Variants in PLCE1 observed in about 807,000 individuals in gnomAD.
PLCE1 encodes phospholipase C epsilon 1.
A neutral mutation model predicts 242.8 loss-of-function variants in PLCE1; 119 were observed. The observed-to-expected ratio is 0.49, with a 90% CI of 0.42 to 0.57. The LOEUF is 0.57. PLCE1 is among the 20% of genes least tolerant of loss of function. PLCE1 has a pLI of 0.00. For synonymous variants in PLCE1, 945 were observed against 1,017.4 expected, an observed-to-expected ratio of 0.93 and a Z score of 1.35; for missense variants, 2,441 against 2,788.8, an observed-to-expected ratio of 0.88 and a Z score of 2.81.
chr10:94,223,679 C>T (rs2049840892), intron 4 of PLCE1, among the ~76,000 whole-genome samples: 1 of 152,094 alleles, frequency 6.6e-6, no homozygotes, highest in South Asian at 2.1e-4. Context: ...AGCCCAGAAC[C>T]TTCTGGGAGA....
At chr10:94,087,983 G>A (rs534436829) in intron 2 of PLCE1, among the ~76,000 whole-genome samples, 1 of 152,230 alleles carries the variant, frequency 6.6e-6, no homozygotes, top group Admixed American at 6.5e-5. Context: ...CACAGCACAT[G>A]CTTTGCACAC....
At chr10:94,105,077 C>T (rs1005731135) in intron 2 of PLCE1, 2 of 152,278 alleles carry the variant, frequency 1.3e-5, no homozygotes, top group South Asian at 4.1e-4. Context: ...TCATTCGCCT[C>T]TTTGTGATGC....
chr10:94,174,880 C>G (rs2048083685), intron 4 of PLCE1, among the ~76,000 whole-genome samples: 1 of 152,112 alleles, frequency 6.6e-6, no homozygotes, highest in Non-Finnish European at 1.5e-5. Flanking sequence ...ACTGGAGAAA[C>G]TCTGAGGCTC....
intron 2 of PLCE1, among the ~76,000 whole-genome samples, chr10:94,065,069 T>C (rs1200186341): frequency 6.6e-6 from 1 of 152,208 alleles, no homozygotes; most frequent in Non-Finnish European, 1.5e-5. Context: ...TGTTAGCTTG[T>C]GTCTGCCTCC....
chr10:94,106,087 A>T (rs1288277540), intron 2 of PLCE1: 1 of 152,186 alleles, frequency 6.6e-6, no homozygotes, highest in Non-Finnish European at 1.5e-5. Context: ...GTGGCTTCAC[A>T]TCCCATGCAT....
rs532584752 is a variant in PLCE1 at position 94,180,096 on chromosome 10, C to G, written c.1809+8600C>G. Among the ~76,000 whole-genome samples the G allele has an allele frequency of 2.3e-3, 312 of 135,634 alleles. 3 individuals carry two copies. Among genetic ancestry groups the G allele is most frequent in the African/African-American group, 6.7e-3 (269 of 39,910 alleles). 89.0% of individuals were successfully genotyped at this position (135,634 alleles called of 152,430 possible). ...TGTGGTTTCAGAGGTGACAGTTGAA[C>G]CCAGTTGTTCTGGCTTCCAGAGCCA... On this transcript the variant is annotated intron_variant, in intron 4 of 32. Coordinates refer to ENST00000371380, the MANE Select transcript of PLCE1 (RefSeq NM_016341.4).
chr10:94,138,535 A>C (rs185813590), intron 3 of PLCE1: 1 of 479,818 alleles, frequency 2.1e-6, no homozygotes, highest in East Asian at 5.8e-5. Flanking sequence ...CTGTGGTCAT[A>C]CAGTGTGACT....
intron 8 of PLCE1, among the ~76,000 whole-genome samples, chr10:94,248,369 A>C (rs34584607): frequency 0.031 from 4,781 of 152,284 alleles, 101 homozygotes; most frequent in Non-Finnish European, 0.047. Flanking sequence ...TGGGAGGCTG[A>C]GGCGGTAGAT....
At chr10:94,162,098 G>C (rs1455146910) in intron 3 of PLCE1, among the ~76,000 whole-genome samples, 1 of 152,174 alleles carries the variant, frequency 6.6e-6, no homozygotes, top group Non-Finnish European at 1.5e-5. Context: ...GTTCATCAGG[G>C]ATATTGGTCT....
intron 4 of PLCE1, among the ~76,000 whole-genome samples, chr10:94,207,630 A>C (rs182109491): frequency 6.6e-6 from 1 of 152,034 alleles, no homozygotes; most frequent in Non-Finnish European, 1.5e-5. Context: ...TGAGCACATG[A>C]AGCACACAGA....
At chr10:94,285,938 C>T (rs1374496567) in intron 22 of PLCE1, among the ~76,000 whole-genome samples, 2 of 152,170 alleles carry the variant, frequency 1.3e-5, no homozygotes, top group African/African-American at 4.8e-5. Context: ...TGAAGCCTGT[C>T]TGTCTCCAAA....
chr10:94,208,967 T>C (rs2049252292), intron 4 of PLCE1, among the ~76,000 whole-genome samples: 1 of 152,220 alleles, frequency 6.6e-6, no homozygotes, highest in East Asian at 1.9e-4. Context: ...TGTAAATAAA[T>C]ATTGCTGATT....
chr10:94,227,386 T>C lies in PLCE1; in HGVS notation c.1890T>C (p.His630=). 1.9e-6 allele frequency: 3 copies of C among 1,613,816 alleles called. No individual in the cohort carries two copies. Among genetic ancestry groups the C allele is most frequent in the Middle Eastern group, 1.6e-4 (1 of 6,062 alleles). ...EKREVFSYLV[H]VAKCCWNMGN... ...GAGAAGTCTTTTCATATTTGGTGCATGTGGCCAAATGCTGCTGGAACATGG... is the reference window on the plus strand; with the variant it reads ...GAGAAGTCTTTTCATATTTGGTGCACGTGGCCAAATGCTGCTGGAACATGG... Residue 630 remains histidine, a synonymous_variant, in exon 5 of 33, where the codon CAT becomes CAC. Coordinates refer to ENST00000371380, the MANE Select transcript of PLCE1 (RefSeq NM_016341.4).
intron 4 of PLCE1, among the ~76,000 whole-genome samples, chr10:94,178,218 T>A (rs551990106): frequency 2.0e-5 from 3 of 152,220 alleles, no homozygotes; most frequent in Admixed American, 6.5e-5. Context: ...CATAAGCAGG[T>A]TCACTTTTTT....
chr10:94,015,480 G>T (rs2061260030), intron 1 of PLCE1, among the ~76,000 whole-genome samples: 1 of 152,152 alleles, frequency 6.6e-6, no homozygotes. Context: ...GTTTAGCTGT[G>T]GGAAATAATA....
intron 2 of PLCE1, among the ~76,000 whole-genome samples, chr10:94,071,770 A>G (rs1007474322): frequency 1.3e-5 from 2 of 152,002 alleles, no homozygotes; most frequent in African/African-American, 4.8e-5. Flanking sequence ...AAGTGCTAGG[A>G]ATACAGGGGT....
In PLCE1 at chr10:94,265,631, T is replaced by C; in HGVS notation, c.4054-16T>C. On this transcript the variant is annotated splice_polypyrimidine_tract_variant and intron_variant, in intron 14 of 32. Coordinates refer to ENST00000371380, the MANE Select transcript of PLCE1 (RefSeq NM_016341.4). ...TCCTTAACCTAAATAACACTTTTTTTTTTAATCCCTTGCAGAAGTTCGAGC... is the reference window on the plus strand; with the variant it reads ...TCCTTAACCTAAATAACACTTTTTTCTTTAATCCCTTGCAGAAGTTCGAGC... The C allele has an allele frequency of 6.2e-7, 1 of 1,611,086 alleles. No individual in the cohort carries two copies.
chr10:94,246,165 C>T lies in PLCE1; in HGVS notation c.2640C>T (p.Cys880=), dbSNP rs1340349261. Residue 880 remains cysteine (C), a synonymous_variant, in exon 8 of 33, where the codon TGC becomes TGT. Coordinates refer to ENST00000371380, the MANE Select transcript of PLCE1 (RefSeq NM_016341.4). ...YDQDTHLSAR[C]FLQLQPDNST... is the part of the protein sequence containing the mutation. The stretch of plus-strand genomic sequence containing the variant: ...AGGACACACACCTCTCTGCCCGCTG[C>T]TTCCTCCAGCTTCAGCCCGACAATA... 1 of 1,614,158 alleles carries T rather than the reference C, an allele frequency of 6.2e-7. No individual in the cohort carries two copies. The highest frequency in any genetic ancestry group is 8.5e-7 in the Non-Finnish European group (1 of 1,180,012).
chr10:94,127,974 G>C (rs1182453727), intron 2 of PLCE1, among the ~76,000 whole-genome samples: 2 of 148,260 alleles, frequency 1.3e-5, no homozygotes, highest in East Asian at 3.9e-4. Context: ...TCTAGGAAGA[G>C]ATAATACCTT....
Sources: gnomAD v4.1 joint callset for allele counts (sites outside exome capture counted in the v4.1 genomes callset) on GRCh38, gnomAD v4.1.1 for gene constraint, MANE v1.5 for transcripts, NCBI Gene and HGNC (gene_info 2026-07-23, HGNC 2026-07-21) for gene names.